GFRAL: variants seen among roughly 807,000 people sequenced by gnomAD.
GFRAL encodes the protein GDNF family receptor alpha like.
GFRAL carries 36 observed loss-of-function variants against 45.4 expected under a neutral mutation model. The observed-to-expected ratio is 0.79, with a 90% confidence interval of 0.61 to 1.05. GFRAL has a LOEUF of 1.05. Among genes scored for constraint, GFRAL ranks in the 50% least tolerant of loss-of-function variants. GFRAL has a pLI of 0.00. For missense variants in GFRAL, 507 were observed against 467.5 expected, an observed-to-expected ratio of 1.08 and a Z score of -0.78; for synonymous variants, 166 against 154.1, an observed-to-expected ratio of 1.08 and a Z score of -0.57.
At chr6:55,384,434 T>G (rs1768653919) in intron 6 of GFRAL, among the ~76,000 whole-genome samples, 1 of 152,020 alleles carries the variant, frequency 6.6e-6, no homozygotes, top group Non-Finnish European at 1.5e-5. Flanking sequence ...AAAGTAGACT[T>G]GGATAACTGG....
chr6:55,335,968 A>G (rs1767885959), intron 3 of GFRAL, among the ~76,000 whole-genome samples: 1 of 149,610 alleles, frequency 6.7e-6, no homozygotes, highest in Admixed American at 6.7e-5. Flanking sequence ...TTTTTGAAAC[A>G]GGGTCTTATT....
At chr6:55,347,490 G>A (rs112651871) in intron 3 of GFRAL, among the ~76,000 whole-genome samples, 2,581 of 152,138 alleles carry the variant, frequency 0.017, 72 homozygotes, top group African/African-American at 0.059. Flanking sequence ...TATTGAGACA[G>A]TACCTGAGTC....
At chr6:55,357,432 T>C (rs1320506796) in intron 5 of GFRAL, among the ~76,000 whole-genome samples, 2 of 151,862 alleles carry the variant, frequency 1.3e-5, no homozygotes, top group East Asian at 3.9e-4. Flanking sequence ...CTTTATCTTT[T>C]TATAGTTTTT....
At position 55,350,140 on chromosome 6, in the gene GFRAL, A is replaced by G. The variant is rs768751090; in HGVS notation, c.365A>G (p.His122Arg). Residue 122 changes from histidine to arginine, a missense_variant, in exon 4 of 9, where the codon CAT (histidine) becomes CGT (arginine). Coordinates refer to ENST00000340465, the MANE Select transcript of GFRAL (RefSeq NM_207410.2). ...KFKWNLTTRS[H>R]HGFKGMWSCL... is the part of the protein sequence containing the mutation. ...AAATGGAATCTAACTACACGTTCCC[A>G]TCATGGTAATGTTTTTAAGTTATTA... The G allele has an allele frequency of 4.6e-6, 7 of 1,527,186 alleles. No homozygotes were observed. The East Asian group carries it at 9.0e-5, about 20-fold the overall frequency. 94.6% of individuals were successfully genotyped at this position (1,527,186 alleles called of 1,614,324 possible).
At chr6:55,355,699 G>A (rs951057000) in intron 5 of GFRAL, among the ~76,000 whole-genome samples, 6 of 151,792 alleles carry the variant, frequency 4.0e-5, no homozygotes, top group Non-Finnish European at 8.8e-5. Flanking sequence ...TAATTTGGAT[G>A]CCCCCCTTTT....
chr6:55,383,054 T>A (rs925022316), intron 6 of GFRAL, among the ~76,000 whole-genome samples: 1 of 151,964 alleles, frequency 6.6e-6, no homozygotes, highest in Non-Finnish European at 1.5e-5. Flanking sequence ...TATGGTGTTA[T>A]CTTTGAATAA....
intron 3 of GFRAL, among the ~76,000 whole-genome samples, chr6:55,349,443 A>G (rs189645053): frequency 3.3e-3 from 497 of 152,044 alleles, no homozygotes; most frequent in African/African-American, 0.011. Context: ...GCTTTGTTTT[A>G]TATGTCTGTA....
At chr6:55,378,127 G>C (rs1203929478) in intron 6 of GFRAL, among the ~76,000 whole-genome samples, 2 of 151,996 alleles carry the variant, frequency 1.3e-5, no homozygotes, top group South Asian at 4.1e-4. Flanking sequence ...TGCTGAGTGG[G>C]TCCCCACATT....
chr6:55,380,480 T>C (rs964613278), intron 6 of GFRAL, among the ~76,000 whole-genome samples: 1 of 151,952 alleles, frequency 6.6e-6, no homozygotes, highest in Non-Finnish European at 1.5e-5. Flanking sequence ...TCTAATTCAG[T>C]AGGCCTGGGA....
intron 6 of GFRAL, among the ~76,000 whole-genome samples, chr6:55,361,550 G>C (rs1048013533): frequency 6.6e-6 from 1 of 150,598 alleles, no homozygotes; most frequent in African/African-American, 2.4e-5. Flanking sequence ...CAAATATTTT[G>C]ATCCAAAGTT....
chr6:55,349,583 T>A (rs557673466), intron 3 of GFRAL, among the ~76,000 whole-genome samples: 1 of 152,028 alleles, frequency 6.6e-6, no homozygotes, highest in African/African-American at 2.4e-5. Context: ...AACACCGAGT[T>A]CATTTTCGTT....
intron 3 of GFRAL, among the ~76,000 whole-genome samples, chr6:55,349,478 C>T (rs954840943): frequency 2.0e-5 from 3 of 151,956 alleles, no homozygotes; most frequent in South Asian, 2.1e-4. Context: ...GTGGGATGCT[C>T]GATGACAGGG....
chr6:55,338,908 T>A (rs1767924731), intron 3 of GFRAL, among the ~76,000 whole-genome samples: 1 of 152,262 alleles, frequency 6.6e-6, no homozygotes, highest in South Asian at 2.1e-4. Flanking sequence ...TATTACATAT[T>A]TTAAATAGAG....
intron 2 of GFRAL, among the ~76,000 whole-genome samples, chr6:55,333,110 T>G (rs540439723): frequency 1.3e-5 from 2 of 152,148 alleles, no homozygotes; most frequent in African/African-American, 4.8e-5. Flanking sequence ...ATACAAATAG[T>G]CTTTTGCAGT....
At chr6:55,352,637 A>T (rs1437077055) in intron 5 of GFRAL, among the ~76,000 whole-genome samples, 1 of 151,996 alleles carries the variant, frequency 6.6e-6, no homozygotes, top group Non-Finnish European at 1.5e-5. Context: ...TTAGCAAAAT[A>T]TTTTGTCCCT....
chr6:55,378,374 C>T (rs550130908), intron 6 of GFRAL, among the ~76,000 whole-genome samples: 2 of 152,140 alleles, frequency 1.3e-5, no homozygotes, highest in East Asian at 3.9e-4. Flanking sequence ...CTGCCATCAA[C>T]CTGCTAAAAT....
intron 6 of GFRAL, among the ~76,000 whole-genome samples, chr6:55,361,991 C>T (rs992474759): frequency 1.3e-5 from 2 of 151,972 alleles, no homozygotes; most frequent in African/African-American, 2.4e-5. Flanking sequence ...TATATTAGCA[C>T]TGTACTCTCA....
At chr6:55,383,043 G>T (rs1320717920) in intron 6 of GFRAL, among the ~76,000 whole-genome samples, 8 of 151,894 alleles carry the variant, frequency 5.3e-5, no homozygotes, top group African/African-American at 1.9e-4. Flanking sequence ...GACTTCTTAA[G>T]TATGGTGTTA....
chr6:55,399,378 T>A lies in GFRAL; in HGVS notation c.1058T>A (p.Ile353Asn). 6.2e-7 allele frequency: 1 copy of A among 1,609,026 alleles called. No homozygotes were observed. Among genetic ancestry groups the A allele is most frequent in the African/African-American group, 1.3e-5 (1 of 74,908 alleles). ...CTTTTTCTTTTTCTAGGAGAAGTAATCTATGCTGCCATGTGCATGACAGTC... is the reference window on the plus strand; with the variant it reads ...CTTTTTCTTTTTCTAGGAGAAGTAAACTATGCTGCCATGTGCATGACAGTC... The part of the protein sequence containing the change: ...GFHSPFNGEV[I>N]YAAMCMTVTC... The change falls in exon 8 of 9, where the codon ATC (isoleucine) becomes AAC (asparagine). Residue 353 changes from isoleucine to asparagine, a missense_variant. Physicochemically the swap from Ile to Asn is moderately radical, Grantham distance 149. Transcript: ENST00000340465.
Sources: gnomAD v4.1 joint callset for allele counts (sites outside exome capture counted in the v4.1 genomes callset) on GRCh38, gnomAD v4.1.1 for gene constraint, MANE v1.5 for transcripts, NCBI Gene and HGNC (gene_info 2026-07-23, HGNC 2026-07-21) for gene names.